Variants in FGF14 observed in about 807,000 individuals in gnomAD.
FGF14 encodes the protein fibroblast growth factor 14.
FGF14 carries 5 observed loss-of-function variants against 25.5 expected under a neutral mutation model. The ratio of observed to expected loss-of-function variants is 0.20; its 90% CI spans 0.10 to 0.41. FGF14 has a LOEUF of 0.41. Ranked by LOEUF, FGF14 falls within the 10% of genes least tolerant of loss-of-function variation. The pLI is 1.00. For synonymous variants in FGF14, 138 were observed against 118.3 expected, an observed-to-expected ratio of 1.17 and a Z score of -1.08; for missense variants, 222 against 320.1, an observed-to-expected ratio of 0.69 and a Z score of 2.34.
intron 1 of FGF14, among the ~76,000 whole-genome samples, chr13:101,895,163 T>C (rs1330687820): frequency 1.3e-5 from 2 of 152,158 alleles, no homozygotes; most frequent in African/African-American, 2.4e-5. Context: ...TCTTGTCATG[T>C]TAATGTGGGT....
chr13:102,106,333 G>A (rs1403419890), intron 1 of FGF14, among the ~76,000 whole-genome samples: 4 of 152,074 alleles, frequency 2.6e-5, no homozygotes, highest in Admixed American at 2.0e-4. Context: ...CATTTTGGGA[G>A]GCCGAGGTGG....
At chr13:102,080,764 A>G (rs1414577829) in intron 1 of FGF14, among the ~76,000 whole-genome samples, 1 of 152,250 alleles carries the variant, frequency 6.6e-6, no homozygotes, top group Non-Finnish European at 1.5e-5. Flanking sequence ...AGAAGAGTTC[A>G]TCATGTTCTG....
At chr13:102,094,843 G>A (rs928184243) in intron 1 of FGF14, among the ~76,000 whole-genome samples, 1 of 151,986 alleles carries the variant, frequency 6.6e-6, no homozygotes, top group Admixed American at 6.6e-5. Context: ...CAATGCTCCG[G>A]CCACCTAGAA....
At chr13:102,126,881 G>C (rs149388366) in intron 1 of FGF14, among the ~76,000 whole-genome samples, 74 of 152,230 alleles carry the variant, frequency 4.9e-4, no homozygotes, top group African/African-American at 1.4e-3. Flanking sequence ...TGGTAGACGG[G>C]ATTGGCAGGT....
intron 1 of FGF14, among the ~76,000 whole-genome samples, chr13:102,069,532 A>G (rs1381450337): frequency 6.6e-6 from 1 of 152,156 alleles, no homozygotes; most frequent in Non-Finnish European, 1.5e-5. Flanking sequence ...ATGAGCTGTA[A>G]CGCTCACCAG....
At chr13:101,861,795 T>G (rs1157734592) in intron 3 of FGF14, among the ~76,000 whole-genome samples, 1 of 152,100 alleles carries the variant, frequency 6.6e-6, no homozygotes, top group Non-Finnish European at 1.5e-5. Context: ...TTTTCAAGCC[T>G]TATTTAGCTT....
intron 1 of FGF14, among the ~76,000 whole-genome samples, chr13:102,165,158 G>A (rs1057193059): frequency 1.3e-5 from 2 of 151,932 alleles, no homozygotes; most frequent in African/African-American, 4.8e-5. Context: ...TAAAAAGTCA[G>A]GAAAAAACAG....
intron 1 of FGF14, among the ~76,000 whole-genome samples, chr13:102,138,640 C>T (rs1171832887): frequency 6.6e-6 from 1 of 151,084 alleles, no homozygotes; most frequent in Non-Finnish European, 1.5e-5. Flanking sequence ...GGTGTCAGTC[C>T]ATCCAATGCC....
intron 1 of FGF14, among the ~76,000 whole-genome samples, chr13:102,174,667 C>T (rs1357814594): frequency 6.6e-6 from 1 of 152,028 alleles, no homozygotes; most frequent in Non-Finnish European, 1.5e-5. Context: ...CAAATTAACA[C>T]AGGAACAGAA....
chr13:102,221,668 C>T (rs1177067166), intron 1 of FGF14, among the ~76,000 whole-genome samples: 2 of 151,960 alleles, frequency 1.3e-5, no homozygotes, highest in East Asian at 1.9e-4. Context: ...AAAATGTGAT[C>T]ACAAGCTCTT....
At chr13:102,149,493 T>A (rs2046990224) in intron 1 of FGF14, among the ~76,000 whole-genome samples, 1 of 152,130 alleles carries the variant, frequency 6.6e-6, no homozygotes, top group South Asian at 2.1e-4. Flanking sequence ...ACACACGACA[T>A]CTTAGAGCCC....
intron 1 of FGF14, among the ~76,000 whole-genome samples, chr13:102,302,681 T>C (rs753992566): frequency 3.3e-5 from 5 of 152,146 alleles, no homozygotes; most frequent in African/African-American, 7.2e-5. Context: ...AACTCAGTGA[T>C]AACTCTCTCT....
intron 3 of FGF14, among the ~76,000 whole-genome samples, chr13:101,852,722 A>G (rs1008214413): frequency 6.6e-6 from 1 of 152,040 alleles, no homozygotes; most frequent in African/African-American, 2.4e-5. Flanking sequence ...TTCTTTCCCT[A>G]CCTGATCCAC....
rs116120733 is a variant in FGF14, at chr13:101,787,313, G to T, written c.409-60503C>A. 4.3e-3 allele frequency among the ~76,000 whole-genome samples: 659 copies of T among 152,232 alleles called. 4 individuals are homozygous for T. The highest frequency in any genetic ancestry group is 0.015 in the African/African-American group (623 of 41,544). On this transcript the variant is annotated intron_variant, in intron 3 of 4. Coordinates refer to ENST00000376143, the MANE Select transcript of FGF14 (RefSeq NM_004115.4). Reference sequence around the variant, plus strand: ...GCTGTAAAGTACCATCTAGCATATTGAATAGCTGTCACTGTCCATTTTTAT... The same window carrying T: ...GCTGTAAAGTACCATCTAGCATATTTAATAGCTGTCACTGTCCATTTTTAT...
At chr13:102,379,961 T>C (rs1460167561) in intron 1 of FGF14, among the ~76,000 whole-genome samples, 1 of 152,196 alleles carries the variant, frequency 6.6e-6, no homozygotes, top group Non-Finnish European at 1.5e-5. Flanking sequence ...CCCCTTTAGA[T>C]AGCTCACTAA....
chr13:102,174,606 T>G (rs981399437), intron 1 of FGF14, among the ~76,000 whole-genome samples: 1 of 152,110 alleles, frequency 6.6e-6, no homozygotes, highest in African/African-American at 2.4e-5. Flanking sequence ...CAAGGAGAAC[T>G]ACAAAGCACT....
chr13:102,175,684 A>G (rs2048417026), intron 1 of FGF14, among the ~76,000 whole-genome samples: 1 of 152,090 alleles, frequency 6.6e-6, no homozygotes, highest in Non-Finnish European at 1.5e-5. Flanking sequence ...AAGAAATAAG[A>G]TCTATAATAT....
At chr13:101,937,749 A>G (rs1460321871) in intron 1 of FGF14, among the ~76,000 whole-genome samples, 1 of 152,046 alleles carries the variant, frequency 6.6e-6, no homozygotes. Context: ...ACAGGTGCTC[A>G]CCACCACGCC....
intron 1 of FGF14, among the ~76,000 whole-genome samples, chr13:102,300,938 T>TAC (rs3066020): frequency 0.07 from 5,387 of 76,876 alleles, 120 homozygotes; most frequent in African/African-American, 0.097. Context: ...CACACACACA[T>TAC]ACACACACAC....
Sources: gnomAD v4.1 joint callset for allele counts (sites outside exome capture counted in the v4.1 genomes callset) on GRCh38, gnomAD v4.1.1 for gene constraint, MANE v1.5 for transcripts, NCBI Gene and HGNC (gene_info 2026-07-23, HGNC 2026-07-21) for gene names.